The following ZFR variants were observed in gnomAD, a reference collection of about 807,000 sequenced individuals.
ZFR encodes the protein zinc finger RNA-binding protein.
Under a neutral mutation model 130.7 loss-of-function variants are expected in ZFR, and 19 were observed. The observed-to-expected ratio is 0.15, with a 90% CI of 0.10 to 0.21. ZFR has a LOEUF of 0.21. Ranked by LOEUF, ZFR falls within the 10% of genes least tolerant of loss-of-function variation. The probability of loss-of-function intolerance (pLI) is 1.00; values close to 1 mark genes in which losing one functional copy is unlikely to be tolerated. For missense variants in ZFR, 872 were observed against 1,321.5 expected (o/e 0.66, Z 5.27); for synonymous variants, 466 against 456.9 (o/e 1.02, Z -0.25).
chr5:32,374,549 T>C (rs1188654004), intron 17 of ZFR, among the ~76,000 whole-genome samples: 2 of 152,012 alleles, frequency 1.3e-5, no homozygotes, highest in Non-Finnish European at 2.9e-5. Flanking sequence ...AATTTGAAGC[T>C]ATACAATGCC....
rs1277237434 is a variant in ZFR at position 32,355,048 on chromosome 5, T to C, written c.*712A>G. 1 of 152,230 alleles carries C rather than the reference T, an allele frequency of 6.6e-6. No homozygotes were observed. The highest frequency in any genetic ancestry group is 2.4e-5 in the African/African-American group (1 of 41,464). 9.4% of individuals were successfully genotyped at this position (152,230 alleles called of 1,614,324 possible). ...CAATTATGCAGAGGCTTTAAAACTG[T>C]TGCAAGACCATATAGTATATATTAG... On this transcript the variant is annotated 3_prime_UTR_variant, in exon 20 of 20. Transcript: ENST00000265069.
intron 17 of ZFR, among the ~76,000 whole-genome samples, chr5:32,366,926 G>A (rs2111669482): frequency 6.6e-6 from 1 of 150,748 alleles, no homozygotes; most frequent in East Asian, 1.9e-4. Context: ...ATGTTGCCAG[G>A]ATGGAGTGCA....
chr5:32,424,631 T>C (rs1435591858), intron 2 of ZFR, among the ~76,000 whole-genome samples: 1 of 151,822 alleles, frequency 6.6e-6, no homozygotes, highest in Non-Finnish European at 1.5e-5. Flanking sequence ...ACTTTATAGG[T>C]GAGCAATCAG....
chr5:32,414,605 TTGTC>T (rs1444613775), intron 5 of ZFR, among the ~76,000 whole-genome samples: 2 of 152,182 alleles, frequency 1.3e-5, no homozygotes, highest in African/African-American at 4.8e-5. Context: ...CAGAAATAAT[TTGTC>T]TGTGGTATTC....
intron 8 of ZFR, among the ~76,000 whole-genome samples, chr5:32,400,439 C>T (rs1283803975): frequency 1.3e-5 from 2 of 152,134 alleles, no homozygotes; most frequent in African/African-American, 2.4e-5. Flanking sequence ...CCCTCCTCAT[C>T]CCCCCTCAAA....
intron 8 of ZFR, 117 bp downstream of exon 8, chr5:32,402,989 G>T: frequency 1.0e-6 from 1 of 978,764 alleles, no homozygotes; most frequent in East Asian, 2.5e-5. Context: ...AAGAAACAAG[G>T]TCCCAGAGAG....
At chr5:32,426,793 C>T (rs1403592284) in intron 2 of ZFR, among the ~76,000 whole-genome samples, 2 of 151,694 alleles carry the variant, frequency 1.3e-5, no homozygotes, top group Non-Finnish European at 2.9e-5. Flanking sequence ...GCCCCAGCTA[C>T]TTGGGAGGCT....
intron 5 of ZFR, among the ~76,000 whole-genome samples, chr5:32,411,938 A>G (rs1021646492): frequency 2.0e-5 from 3 of 152,176 alleles, no homozygotes; most frequent in Non-Finnish European, 4.4e-5. Flanking sequence ...TCCCATGGAT[A>G]GCAGGGATGA....
chr5:32,435,827 A>G (rs938378485), intron 2 of ZFR, among the ~76,000 whole-genome samples: 6 of 152,224 alleles, frequency 3.9e-5, no homozygotes, highest in Non-Finnish European at 2.9e-5. Flanking sequence ...CAATACTTTA[A>G]GCCCATGTGA....
chr5:32,396,784 T>C (rs145111631), intron 10 of ZFR, among the ~76,000 whole-genome samples: 73 of 152,310 alleles, frequency 4.8e-4, no homozygotes, highest in African/African-American at 1.3e-3. Context: ...TGATTTATCT[T>C]AACATTTGAA....
chr5:32,372,786 G>A (rs1422936800), intron 17 of ZFR, among the ~76,000 whole-genome samples: 1 of 152,000 alleles, frequency 6.6e-6, no homozygotes, highest in Non-Finnish European at 1.5e-5. Flanking sequence ...AGTGAGTTGA[G>A]ATCACACCAC....
At chr5:32,421,618 A>G (rs1316938438) in intron 2 of ZFR, among the ~76,000 whole-genome samples, 2 of 152,180 alleles carry the variant, frequency 1.3e-5, no homozygotes, top group Non-Finnish European at 2.9e-5. Flanking sequence ...GCCTTCTAAT[A>G]GAAGACACTT....
chr5:32,421,860 G>C (rs1753966458), intron 2 of ZFR, among the ~76,000 whole-genome samples: 1 of 152,014 alleles, frequency 6.6e-6, no homozygotes, highest in Non-Finnish European at 1.5e-5. Flanking sequence ...CATTAAAACA[G>C]TGAAAAACTT....
intron 19 of ZFR, among the ~76,000 whole-genome samples, chr5:32,357,388 C>T (rs1218507005): frequency 2.6e-5 from 4 of 152,196 alleles, no homozygotes; most frequent in Admixed American, 2.6e-4. Flanking sequence ...GCCTCAGCCT[C>T]CAAAGCAGCT....
At chr5:32,356,799 A>G (rs1752326205) in intron 19 of ZFR, among the ~76,000 whole-genome samples, 1 of 152,156 alleles carries the variant, frequency 6.6e-6, no homozygotes, top group Non-Finnish European at 1.5e-5. Flanking sequence ...AGTTCTGGAG[A>G]AAGAACTTTT....
intron 8 of ZFR, among the ~76,000 whole-genome samples, chr5:32,401,615 C>T (rs1753449724): frequency 6.6e-6 from 1 of 152,058 alleles, no homozygotes; most frequent in South Asian, 2.1e-4. Flanking sequence ...AGTTATGAGG[C>T]TGGAAAGGTA....
At position 32,390,291 on chromosome 5, in the gene ZFR, TGAG is replaced by T. The variant is rs1380214728; in HGVS notation, c.2123_2125del (p.Pro708del). On this transcript the variant is annotated inframe_deletion, in exon 12 of 20. Transcript: ENST00000265069. ...GACACTCACTGCAGGCCCCTGAGGC[TGAG>T]GAGGCATGCCTGGTCGGACTCCCAG... The T allele has an allele frequency of 8.7e-6, 14 of 1,613,750 alleles. No individual in the cohort carries two copies. The highest frequency in any genetic ancestry group is 1.3e-5 in the African/African-American group (1 of 74,940).
chr5:32,428,678 C>A (rs1410168775), intron 2 of ZFR, among the ~76,000 whole-genome samples: 1 of 152,228 alleles, frequency 6.6e-6, no homozygotes, highest in Non-Finnish European at 1.5e-5. Context: ...CAGCACCAGT[C>A]TGCCTACCAC....
intron 16 of ZFR, 181 bp from the exon 17 acceptor site, chr5:32,379,391 T>C: frequency 3.1e-6 from 2 of 643,694 alleles, no homozygotes; most frequent in Non-Finnish European, 5.6e-6. Context: ...GGGTTAGTAT[T>C]TAAAAGCTGG....
Sources: gnomAD v4.1 joint callset for allele counts (sites outside exome capture counted in the v4.1 genomes callset) on GRCh38, gnomAD v4.1.1 for gene constraint, MANE v1.5 for transcripts, NCBI Gene and HGNC (gene_info 2026-07-23, HGNC 2026-07-21) for gene names.